PCDH9: variants seen among roughly 807,000 people sequenced by gnomAD.
PCDH9 encodes protocadherin-9.
Under a neutral mutation model 70.6 loss-of-function variants are expected in PCDH9, and 24 were observed. That is an observed-to-expected ratio of 0.34 (90% confidence interval 0.25 to 0.48). PCDH9 has a LOEUF of 0.48. PCDH9 is among the 20% of genes least tolerant of loss of function. The pLI is 0.99. For synonymous variants in PCDH9, 562 were observed against 558.5 expected (o/e 1.01, Z -0.09); for missense variants, 1,281 against 1,503.6 (o/e 0.85, Z 2.45).
At chr13:67,143,815 T>C (rs1297939306) in intron 2 of PCDH9, among the ~76,000 whole-genome samples, 2 of 152,082 alleles carry the variant, frequency 1.3e-5, no homozygotes, top group Non-Finnish European at 1.5e-5. Flanking sequence ...CATTTGAAAC[T>C]CTATGTTAAA....
intron 3 of PCDH9, among the ~76,000 whole-genome samples, chr13:66,688,124 G>A (rs1360804292): frequency 1.3e-5 from 2 of 151,908 alleles, no homozygotes; most frequent in Non-Finnish European, 2.9e-5. Context: ...TTCATTTAAT[G>A]TTTCTTTCAT....
At chr13:66,330,982 A>G (rs1412890348) in intron 4 of PCDH9, among the ~76,000 whole-genome samples, 1 of 152,194 alleles carries the variant, frequency 6.6e-6, no homozygotes, top group Non-Finnish European at 1.5e-5. Context: ...CTGAGATAAT[A>G]TCTCACAAAT....
chr13:66,767,616 T>C (rs972098944), intron 3 of PCDH9, among the ~76,000 whole-genome samples: 3 of 152,018 alleles, frequency 2.0e-5, no homozygotes, highest in Non-Finnish European at 2.9e-5. Flanking sequence ...AGAGTTATGT[T>C]GAACAGCTTG....
chr13:67,065,232 C>T (rs747157292), intron 2 of PCDH9, among the ~76,000 whole-genome samples: 8 of 152,014 alleles, frequency 5.3e-5, no homozygotes, highest in Non-Finnish European at 8.8e-5. Flanking sequence ...GAAAAACGAG[C>T]GTGTTCTCTG....
intron 2 of PCDH9, among the ~76,000 whole-genome samples, chr13:67,110,514 C>CAA (rs67490405): frequency 0.12 from 9,306 of 77,818 alleles, 607 homozygotes; most frequent in South Asian, 0.18. Context: ...CACTCCATCT[C>CAA]AAAAAAAAAA....
chr13:66,595,684 G>A (rs529444189), intron 4 of PCDH9, among the ~76,000 whole-genome samples: 1 of 151,584 alleles, frequency 6.6e-6, no homozygotes, highest in Non-Finnish European at 1.5e-5. Flanking sequence ...CAGGATATTT[G>A]CACTGAGAAA....
intron 4 of PCDH9, among the ~76,000 whole-genome samples, chr13:66,396,602 C>T (rs1267585214): frequency 3.3e-5 from 5 of 152,126 alleles, no homozygotes; most frequent in Admixed American, 3.3e-4. Flanking sequence ...GATAGATAGA[C>T]AAACAACTAA....
At chr13:67,101,630 T>C (rs1329462920) in intron 2 of PCDH9, among the ~76,000 whole-genome samples, 1 of 152,220 alleles carries the variant, frequency 6.6e-6, no homozygotes, top group Non-Finnish European at 1.5e-5. Flanking sequence ...AGAGTTTTTG[T>C]TCAATTTGTA....
chr13:66,532,018 G>C (rs1960479303), intron 4 of PCDH9, among the ~76,000 whole-genome samples: 1 of 152,014 alleles, frequency 6.6e-6, no homozygotes, highest in African/African-American at 2.4e-5. Context: ...ACAGGGTTTT[G>C]TTCTTTTGCC....
chr13:66,897,930 A>G (rs943016459), intron 3 of PCDH9, among the ~76,000 whole-genome samples: 2 of 152,120 alleles, frequency 1.3e-5, no homozygotes, highest in Non-Finnish European at 2.9e-5. Flanking sequence ...CTAAAATGGC[A>G]TAAGATGTTT....
At chr13:66,667,535 T>C (rs9571611) in intron 3 of PCDH9, among the ~76,000 whole-genome samples, 15,632 of 152,202 alleles carry the variant, frequency 0.1, 803 homozygotes, top group Middle Eastern at 0.17. Flanking sequence ...CCCATGGACC[T>C]AGTGGAGCTG....
At chr13:66,790,894 G>GC (rs2080153562) in intron 3 of PCDH9, among the ~76,000 whole-genome samples, 1 of 152,004 alleles carries the variant, frequency 6.6e-6, no homozygotes, top group Admixed American at 6.6e-5. Flanking sequence ...TTTTATCTTA[G>GC]CCAGCTAATG....
chr13:66,865,782 G>C (rs1246460385), intron 3 of PCDH9, among the ~76,000 whole-genome samples: 1 of 152,140 alleles, frequency 6.6e-6, no homozygotes, highest in Admixed American at 6.5e-5. Flanking sequence ...TACTTCCAAA[G>C]TAAACTCTTG....
chr13:67,224,615 T>C (rs1423969052), intron 2 of PCDH9: 1 of 167,970 alleles, frequency 6.0e-6, no homozygotes, highest in African/African-American at 2.4e-5. Flanking sequence ...ATATGGCATA[T>C]TTCACAGTTT....
At chr13:66,885,581 C>A (rs1052226622) in intron 3 of PCDH9, among the ~76,000 whole-genome samples, 11 of 152,042 alleles carry the variant, frequency 7.2e-5, no homozygotes. Context: ...AGAAAGAGTT[C>A]AAGTAACAAT....
At chr13:66,978,097 T>C (rs557336262) in intron 2 of PCDH9, among the ~76,000 whole-genome samples, 1 of 152,150 alleles carries the variant, frequency 6.6e-6, no homozygotes, top group African/African-American at 2.4e-5. Flanking sequence ...ATTTACCAGA[T>C]AAGAGAAATG....
intron 2 of PCDH9, among the ~76,000 whole-genome samples, chr13:66,936,828 G>A (rs994034385): frequency 1.3e-5 from 2 of 152,094 alleles, no homozygotes; most frequent in African/African-American, 4.8e-5. Flanking sequence ...CCGTAAAATG[G>A]GGATAATATT....
intron 2 of PCDH9, among the ~76,000 whole-genome samples, chr13:67,174,411 T>G (rs2088389280): frequency 6.6e-6 from 1 of 152,110 alleles, no homozygotes; most frequent in Non-Finnish European, 1.5e-5. Flanking sequence ...AAAGCTCAGT[T>G]AAGAAGTCTG....
At chr13:67,201,445 G>A (rs1233479475) in intron 2 of PCDH9, 1 of 151,914 alleles carries the variant, frequency 6.6e-6, no homozygotes, top group Non-Finnish European at 1.5e-5. Flanking sequence ...GCAAATATAG[G>A]TATTAAGATG....
Sources: gnomAD v4.1 joint callset for allele counts (sites outside exome capture counted in the v4.1 genomes callset) on GRCh38, gnomAD v4.1.1 for gene constraint, MANE v1.5 for transcripts, NCBI Gene and HGNC (gene_info 2026-07-23, HGNC 2026-07-21) for gene names.